Variants in CXADR observed in about 807,000 individuals in gnomAD.
CXADR encodes CXADR cell adhesion molecule.
In CXADR, 20 loss-of-function variants were observed where a neutral mutation model predicts 40.3. The ratio of observed to expected loss-of-function variants is 0.50; its 90% CI spans 0.35 to 0.72. CXADR has a LOEUF of 0.72. Ranked by LOEUF, CXADR falls within the 30% of genes least tolerant of loss-of-function variation. The pLI is 0.01. For synonymous variants in CXADR, 150 were observed against 161.3 expected (o/e 0.93, Z 0.53); for missense variants, 332 against 449.1 (o/e 0.74, Z 2.36).
At chr21:17,561,931 G>C (rs62239913) in intron 6 of CXADR, among the ~76,000 whole-genome samples, 2 of 152,136 alleles carry the variant, frequency 1.3e-5, no homozygotes, top group South Asian at 4.1e-4. Context: ...TAGAATTTTA[G>C]AAGTAATAAC....
At chr21:17,607,217 G>T in the CXADR span, among the ~76,000 whole-genome samples, 3 of 152,030 alleles carry the variant, frequency 2.0e-5, no homozygotes, top group Non-Finnish European at 4.4e-5. Context: ...AAATGAAATT[G>T]TACACTGTCT....
chr21:17,575,044 CATACATAA>C (rs60566978), downstream of CXADR, among the ~76,000 whole-genome samples: 86,370 of 146,536 alleles, frequency 0.59, 27,415 homozygotes, highest in Non-Finnish European at 0.71. Context: ...TACATACATA[CATACATAA>C]GGGTTGATAT....
intron 1 of CXADR, among the ~76,000 whole-genome samples, chr21:17,531,675 C>T (rs879876754): frequency 2.6e-5 from 4 of 152,278 alleles, no homozygotes; most frequent in Non-Finnish European, 5.9e-5. Context: ...TTGTAGTCCC[C>T]GTTTGTCACA....
At chr21:17,513,895 A>G (rs2060425076) in intron 1 of CXADR, among the ~76,000 whole-genome samples, 1 of 152,172 alleles carries the variant, frequency 6.6e-6, no homozygotes, top group Admixed American at 6.5e-5. Flanking sequence ...TTGAGTTTGT[A>G]ATGAGTCGTT....
At chr21:17,561,789 G>T (rs2061125611) in intron 6 of CXADR, among the ~76,000 whole-genome samples, 1 of 151,728 alleles carries the variant, frequency 6.6e-6, no homozygotes, top group Non-Finnish European at 1.5e-5. Context: ...TAGATATTGA[G>T]GTTTGAAAAA....
At chr21:17,598,605 T>A in the CXADR span, 1 of 1,612,076 alleles carries the variant, frequency 6.2e-7, no homozygotes, top group Non-Finnish European at 8.5e-7. Context: ...ACTGAGCTGT[T>A]TTCATGGTTA....
intron 6 of CXADR, among the ~76,000 whole-genome samples, chr21:17,561,678 C>G (rs28595698): frequency 0.016 from 2,375 of 152,264 alleles, 68 homozygotes; most frequent in African/African-American, 0.053. Flanking sequence ...GCCCCGCTCC[C>G]CAACCTTCTC....
chr21:17,556,462 A>G (rs1310053522), intron 3 of CXADR, among the ~76,000 whole-genome samples: 1 of 146,204 alleles, frequency 6.8e-6, no homozygotes, highest in African/African-American at 2.4e-5. Flanking sequence ...TGCTGGTTAT[A>G]TGGGAGAAAA....
At chr21:17,610,038 T>C in the CXADR span, among the ~76,000 whole-genome samples, 5 of 152,224 alleles carry the variant, frequency 3.3e-5, no homozygotes, top group Non-Finnish European at 5.9e-5. Context: ...TGGGTGAACC[T>C]TGAATACATC....
At chr21:17,560,636 T>G in intron 4 of CXADR, 66 bp from the exon 5 acceptor site, 4 of 1,506,056 alleles carry the variant, frequency 2.7e-6, no homozygotes, top group Non-Finnish European at 3.7e-6. Flanking sequence ...AGGACTATGT[T>G]TACTAACACC....
intron 2 of CXADR, 76 bp downstream of exon 2, chr21:17,547,269 C>T: frequency 6.3e-7 from 1 of 1,584,380 alleles, no homozygotes; most frequent in Non-Finnish European, 8.6e-7. Context: ...TTGCCAGTCA[C>T]ATGGATGGGC....
chr21:17,560,488 G>C (rs1393103297), intron 4 of CXADR, among the ~76,000 whole-genome samples: 1 of 152,182 alleles, frequency 6.6e-6, no homozygotes, highest in African/African-American at 2.4e-5. Context: ...TGCTGCAGGG[G>C]ATCATGGTTA....
At chr21:17,565,122 A>AT (rs2061185698) in intron 6 of CXADR, among the ~76,000 whole-genome samples, 1 of 152,216 alleles carries the variant, frequency 6.6e-6, no homozygotes. Context: ...ATATGAAACT[A>AT]TTTGAGATTT....
chr21:17,559,668 G>GTTTTTTTTTTTT (rs1491548660), intron 4 of CXADR, among the ~76,000 whole-genome samples: 3 of 106,208 alleles, frequency 2.8e-5, no homozygotes, highest in African/African-American at 3.8e-5. Context: ...CTTTTTTTTG[G>GTTTTTTTTTTTT]GTTTTTTTTT....
chr21:17,569,896 T>C lies in CXADR; in HGVS notation c.*4204T>C. 4.1e-6 allele frequency: 4 copies of C among 985,322 alleles called. No individual in the cohort carries two copies. The highest frequency in any genetic ancestry group is 4.8e-6 in the Non-Finnish European group (4 of 829,850). The allele number at this position is 985,322 out of a possible 1,614,324, so 61.0% of individuals were successfully genotyped here. On this transcript the variant is annotated 3_prime_UTR_variant, in exon 7 of 7. Transcript: ENST00000284878. ...TGAATTTTAGTGATAAATACACCTG[T>C]ACTACTGAGGAAAATATTCTGACAC... is the stretch of plus-strand genomic sequence containing the variant.
the CXADR span, among the ~76,000 whole-genome samples, chr21:17,608,556 C>T: frequency 8.9e-5 from 13 of 146,070 alleles, no homozygotes; most frequent in African/African-American, 3.2e-4. Flanking sequence ...TTTTTCCATA[C>T]TTTTTTTTTT....
the CXADR span, among the ~76,000 whole-genome samples, chr21:17,620,609 C>T: frequency 6.6e-6 from 1 of 151,954 alleles, no homozygotes; most frequent in South Asian, 2.1e-4. Flanking sequence ...ACAAGATTGC[C>T]AAAATCTTCA....
the CXADR span, chr21:17,613,267 T>G: frequency 3.3e-5 from 5 of 152,324 alleles, no homozygotes; most frequent in African/African-American, 1.2e-4. Context: ...TCTCGGCCTT[T>G]TTGTTTCCCC....
chr21:17,577,582 T>G (rs2061330394), intron 7 of CXADR, among the ~76,000 whole-genome samples: 1 of 145,274 alleles, frequency 6.9e-6, no homozygotes, highest in Non-Finnish European at 1.5e-5. Context: ...GTGAAACCAC[T>G]TTTTCTCACA....
Sources: gnomAD v4.1 joint callset for allele counts (sites outside exome capture counted in the v4.1 genomes callset) on GRCh38, gnomAD v4.1.1 for gene constraint, MANE v1.5 for transcripts, NCBI Gene and HGNC (gene_info 2026-07-23, HGNC 2026-07-21) for gene names.